MMP11: variants seen among roughly 807,000 people sequenced by gnomAD.
MMP11 encodes the protein stromelysin-3.
In MMP11, 26 loss-of-function variants were observed where a neutral mutation model predicts 49.5. The observed-to-expected ratio is 0.52, with a 90% CI of 0.38 to 0.73. The LOEUF (loss-of-function observed/expected upper bound fraction) is 0.73, where lower values mean the gene tolerates loss of function less well. Ranked by LOEUF, MMP11 falls within the 30% of genes least tolerant of loss-of-function variation. The pLI, the probability that MMP11 is intolerant of heterozygous loss-of-function variation, is 0.00. For synonymous variants in MMP11, 265 were observed against 282.3 expected (o/e 0.94, Z 0.62); for missense variants, 624 against 671.2 (o/e 0.93, Z 0.78).
At chr22:23,774,831 C>T (rs1302167553) in intron 1 of MMP11, among the ~76,000 whole-genome samples, 2 of 152,174 alleles carry the variant, frequency 1.3e-5, no homozygotes, top group Admixed American at 1.3e-4. Flanking sequence ...GCAGTGTTTC[C>T]TGGCACCCTG....
chr22:23,783,072 C>G (rs1483576046), intron 7 of MMP11, among the ~76,000 whole-genome samples: 1 of 152,148 alleles, frequency 6.6e-6, no homozygotes, highest in African/African-American at 2.4e-5. Flanking sequence ...CCGTCAATAG[C>G]CTGGCTAATT....
At chr22:23,781,671 C>A in intron 6 of MMP11, 1 of 646,656 alleles carries the variant, frequency 1.5e-6, no homozygotes. Context: ...CTCAGCCACC[C>A]CATGGGGCGG....
chr22:23,781,993 T>G (rs1477934584), intron 6 of MMP11: 3 of 687,198 alleles, frequency 4.4e-6, no homozygotes, highest in African/African-American at 1.8e-5. Flanking sequence ...CCTCTACTGA[T>G]GAGAGTAACC....
chr22:23,773,608 G>A (rs998376703), intron 1 of MMP11, among the ~76,000 whole-genome samples: 1 of 152,280 alleles, frequency 6.6e-6, no homozygotes, highest in South Asian at 2.1e-4. Context: ...GGGAGAGAAA[G>A]GAAAGGGAGA....
chr22:23,773,363 A>G (rs949474046), intron 1 of MMP11, among the ~76,000 whole-genome samples: 3 of 152,220 alleles, frequency 2.0e-5, no homozygotes, highest in Non-Finnish European at 4.4e-5. Context: ...GGCAGGTGTC[A>G]GCCTGCAGGT....
At chr22:23,773,417 A>G (rs1601366657) in intron 1 of MMP11, among the ~76,000 whole-genome samples, 1 of 152,114 alleles carries the variant, frequency 6.6e-6, no homozygotes, top group Non-Finnish European at 1.5e-5. Context: ...GGTGGGATGA[A>G]GGATAAAGGG....
chr22:23,779,629 A>G (rs1927543756), intron 2 of MMP11: 1 of 579,878 alleles, frequency 1.7e-6, no homozygotes, highest in Non-Finnish European at 3.1e-6. Flanking sequence ...CCCTCAGCAG[A>G]GGGGCAGAGC....
chr22:23,780,163 C>G lies in MMP11; in HGVS notation c.339-196C>G, dbSNP rs555818502. ...ACTGAATTCAGACACTTGTATTTGC[C>G]TAAGTATGAGCAAACCACATACACA... is the stretch of plus-strand genomic sequence containing the variant. On this transcript the variant is annotated intron_variant, in intron 2 of 7. Transcript: ENST00000215743. The surrounding 1 kb of genome is among the most constrained non-coding windows in gnomAD (Gnocchi z 4.6). 75 of 649,194 alleles carry G rather than the reference C, an allele frequency of 1.2e-4. No homozygotes were observed. In the African/African-American group the frequency reaches 1.2e-3, roughly 10 times the overall value. 40.2% of individuals were successfully genotyped at this position (649,194 alleles called of 1,614,324 possible). A position where few individuals can be genotyped will look rare whatever the true frequency, so the allele number is the denominator to read the frequency against.
rs1367497684 is a variant in MMP11 at position 23,772,950 on chromosome 22, C to T, written c.80C>T (p.Pro27Leu). The part of the protein sequence containing the change: ...PPMLLLLLQP[P>L]PLLARALPPD... ...ATGCTGCTGCTGCTGCTCCAGCCGC[C>T]GCCGCTGCTGGCCCGGGCTCTGCCG... The change falls in exon 1 of 8, where the codon CCG (proline) becomes CTG (leucine). Residue 27 changes from proline to leucine, a missense_variant. Physicochemically the swap from Pro to Leu is moderately conservative, Grantham distance 98. Coordinates refer to ENST00000215743, the MANE Select transcript of MMP11 (RefSeq NM_005940.5). 3 of 1,215,902 alleles carry T rather than the reference C, an allele frequency of 2.5e-6. No individual in the cohort carries two copies. Among genetic ancestry groups the T allele is most frequent in the African/African-American group, 1.6e-5 (1 of 62,678 alleles). The allele number at this position is 1,215,902 out of a possible 1,614,324, so 75.3% of individuals were successfully genotyped here. A position where few individuals can be genotyped will look rare whatever the true frequency, so the allele number is the denominator to read the frequency against.
Position 23,781,106 on chromosome 22 carries a change from G to T in MMP11, c.858+6G>T, listed in dbSNP as rs1278451183. 1.2e-6 allele frequency: 2 copies of T among 1,606,528 alleles called. No homozygotes were observed. The highest frequency in any genetic ancestry group is 8.5e-7 in the Non-Finnish European group (1 of 1,179,186). On this transcript the variant is annotated splice_donor_region_variant and intron_variant, in intron 5 of 7. Transcript: ENST00000215743. ...ATGAGATTGCACCGCTGGAGGTGAG[G>T]CCCTGCCTGCCAGTCCCCCTACTCC...
Position 23,780,155 on chromosome 22 carries a change from G to A in MMP11, c.339-204G>A, listed in dbSNP as rs767753996. ...TTCTTTCCACTGAATTCAGACACTT[G>A]TATTTGCCTAAGTATGAGCAAACCA... On this transcript the variant is annotated intron_variant, in intron 2 of 7. Coordinates refer to ENST00000215743, the MANE Select transcript of MMP11 (RefSeq NM_005940.5). The surrounding 1 kb of genome is among the most constrained non-coding windows in gnomAD (Gnocchi z 4.6). The A allele has an allele frequency of 4.0e-5, 25 of 628,550 alleles. No homozygotes were observed. The highest frequency in any genetic ancestry group is 4.3e-4 in the Middle Eastern group (1 of 2,310). The allele number at this position is 628,550 out of a possible 1,614,324, so 38.9% of individuals were successfully genotyped here.
At position 23,779,461 on chromosome 22, in the gene MMP11, G is replaced by A. The variant is rs765740268; in HGVS notation, c.338+45G>A. 61 of 1,515,930 alleles carry A rather than the reference G, an allele frequency of 4.0e-5. 1 individual carries two copies. In the Admixed American group the frequency reaches 9.5e-4, roughly 24 times the overall value. 93.9% of individuals were successfully genotyped at this position (1,515,930 alleles called of 1,614,324 possible). ...ACACTAGGATGCCACCTGTGTGTCC[G>A]TGGGTAAGCCAGCTGCCCTCACAGC... On this transcript the variant is annotated intron_variant, in intron 2 of 7. Transcript: ENST00000215743.
chr22:23,781,901 C>T, intron 6 of MMP11: 1 of 649,256 alleles, frequency 1.5e-6, no homozygotes, highest in South Asian at 1.5e-5. Context: ...CCAGGGCAGT[C>T]CAGCCTGCAG....
rs995638522 is a variant in MMP11 at position 23,781,096 on chromosome 22, T to C, written c.854T>C (p.Leu285Pro). ...AGIDTNEIAP[L>P]EPDAPPDACE... The stretch of plus-strand genomic sequence containing the variant: ...ATAGACACCAATGAGATTGCACCGC[T>C]GGAGGTGAGGCCCTGCCTGCCAGTC... Residue 285 changes from leucine (L) to proline (P), a missense_variant, in exon 5 of 8, where the codon CTG becomes CCG. Transcript: ENST00000215743. 1 of 1,607,608 alleles carries C rather than the reference T, an allele frequency of 6.2e-7. No homozygotes were observed. The highest frequency in any genetic ancestry group is 8.5e-7 in the Non-Finnish European group (1 of 1,179,602).
Position 23,783,467 on chromosome 22 carries a change from A to G in MMP11, c.1390A>G (p.Lys464Glu). The G allele has an allele frequency of 6.2e-7, 1 of 1,614,048 alleles. No individual in the cohort carries two copies. Among genetic ancestry groups the G allele is most frequent in the Non-Finnish European group, 8.5e-7 (1 of 1,179,980 alleles). Reference sequence around the variant, plus strand: ...CTGGAAGTTTGACCCTGTGAAGGTGAAGGCTCTGGAAGGCTTCCCCCGTCT... The same window carrying G: ...CTGGAAGTTTGACCCTGTGAAGGTGGAGGCTCTGGAAGGCTTCCCCCGTCT... ...LYWKFDPVKV[K>E]ALEGFPRLVG... Residue 464 changes from lysine (K) to glutamate (E), a missense_variant, in exon 8 of 8, where the codon AAG becomes GAG. Physicochemically the swap from Lys to Glu is moderately conservative, Grantham distance 56. Coordinates refer to ENST00000215743, the MANE Select transcript of MMP11 (RefSeq NM_005940.5).
Position 23,780,109 on chromosome 22 carries a change from T to G in MMP11, c.339-250T>G. On this transcript the variant is annotated intron_variant, in intron 2 of 7. Transcript: ENST00000215743. The surrounding 1 kb of genome is among the most constrained non-coding windows in gnomAD (Gnocchi z 4.6). The stretch of plus-strand genomic sequence containing the variant: ...GGCACTGTCAGGTCTAGGATGGGGG[T>G]CTCGGGACCCCTGGTCCTGGTTCTT... 3.6e-6 allele frequency: 2 copies of G among 554,528 alleles called. No individual in the cohort carries two copies. The highest frequency in any genetic ancestry group is 6.4e-6 in the Non-Finnish European group (2 of 310,474). The allele number at this position is 554,528 out of a possible 1,614,324, so 34.4% of individuals were successfully genotyped here.
At position 23,779,389 on chromosome 22, in the gene MMP11, G is replaced by A. The variant is rs4571168; in HGVS notation, c.311G>A (p.Arg104His). Reference protein sequence around the residue: ...RQKRFVLSGGRWEKTDLTYRI... With the variant: ...RQKRFVLSGGHWEKTDLTYRI... ...AAGAGGTTCGTGCTTTCTGGCGGGC[G>A]CTGGGAGAAGACGGACCTCACCTAC... Residue 104 changes from arginine (R) to histidine (H), a missense_variant, in exon 2 of 8, where the codon CGC becomes CAC. Coordinates refer to ENST00000215743, the MANE Select transcript of MMP11 (RefSeq NM_005940.5). 22 of 1,612,484 alleles carry A rather than the reference G, an allele frequency of 1.4e-5. No homozygotes were observed. Among genetic ancestry groups the A allele is most frequent in the Middle Eastern group, 3.3e-4 (2 of 6,060 alleles).
In MMP11 at chr22:23,781,073, A is replaced by G. The variant is rs751924100; in HGVS notation, c.831A>G (p.Ile277Met). 61 of 1,609,380 alleles carry G rather than the reference A, an allele frequency of 3.8e-5. No homozygotes were observed. The highest frequency in any genetic ancestry group is 1.8e-4 in the Admixed American group (11 of 59,990). Residue 277 changes from isoleucine (I) to methionine (M), a missense_variant, in exon 5 of 8, where the codon ATA becomes ATG. Transcript: ENST00000215743. ...RTPALGPQAG[I>M]DTNEIAPLEP... ...CAGCCCTGGGCCCCCAGGCTGGGAT[A>G]GACACCAATGAGATTGCACCGCTGG...
chr22:23,777,566 CAAAAAAAAAAA>C (rs58753819), intron 1 of MMP11: 1 of 109,864 alleles, frequency 9.1e-6, no homozygotes, highest in Non-Finnish European at 1.8e-5. Context: ...GACTCTCTCT[CAAAAAAAAAAA>C]AAAAAAAATT....
Sources: gnomAD v4.1 joint callset for allele counts (sites outside exome capture counted in the v4.1 genomes callset) on GRCh38, gnomAD v4.1.1 for gene constraint, Gnocchi (gnomAD v3.1) non-coding constraint, MANE v1.5 for transcripts, NCBI Gene and HGNC (gene_info 2026-07-23, HGNC 2026-07-21) for gene names.